The following GPATCH8 variants were observed in gnomAD, a reference collection of about 807,000 sequenced individuals.
GPATCH8 encodes G-patch domain containing 8, also known as G patch domain-containing protein 8.
GPATCH8 carries 18 observed loss-of-function variants against 118.3 expected under a neutral mutation model. The ratio of observed to expected loss-of-function variants is 0.15; its 90% confidence interval spans 0.11 to 0.23. The LOEUF (loss-of-function observed/expected upper bound fraction) is 0.23, where lower values mean the gene tolerates loss of function less well. Among genes scored for constraint, GPATCH8 ranks in the 10% least tolerant of loss-of-function variants. GPATCH8 has a pLI of 1.00. For missense variants in GPATCH8, 1,631 were observed against 1,873.8 expected, an observed-to-expected ratio of 0.87 and a Z score of 2.39; for synonymous variants, 659 against 684.7, an observed-to-expected ratio of 0.96 and a Z score of 0.59.
chr17:44,461,008 T>C (rs976299979), intron 3 of GPATCH8, among the ~76,000 whole-genome samples: 4 of 152,158 alleles, frequency 2.6e-5, no homozygotes, highest in African/African-American at 2.4e-5. Flanking sequence ...ATTCTTAATG[T>C]TGGAAACAGA....
chr17:44,471,039 G>T (rs889448462), intron 2 of GPATCH8, among the ~76,000 whole-genome samples: 8 of 152,130 alleles, frequency 5.3e-5, no homozygotes, highest in African/African-American at 1.9e-4. Context: ...TCGTAATAGG[G>T]ATAAAATGTT....
chr17:44,455,303 A>T (rs1011685531), intron 3 of GPATCH8, among the ~76,000 whole-genome samples: 4 of 152,094 alleles, frequency 2.6e-5, no homozygotes, highest in Non-Finnish European at 4.4e-5. Flanking sequence ...GGAGTTCGAG[A>T]CCAGCCTGAC....
At chr17:44,451,778 A>G (rs2144183290) in intron 3 of GPATCH8, among the ~76,000 whole-genome samples, 1 of 152,328 alleles carries the variant, frequency 6.6e-6, no homozygotes, top group East Asian at 1.9e-4. Context: ...ACGAGAATAT[A>G]TCACATTCAG....
intron 1 of GPATCH8, among the ~76,000 whole-genome samples, chr17:44,485,479 T>C (rs1237511822): frequency 6.6e-6 from 1 of 152,086 alleles, no homozygotes; most frequent in Non-Finnish European, 1.5e-5. Flanking sequence ...CAGGCTGGAA[T>C]GCAGTGGCAC....
chr17:44,414,133 A>G (rs2338030), intron 6 of GPATCH8, among the ~76,000 whole-genome samples: 20 of 30,438 alleles, frequency 6.6e-4, no homozygotes, highest in Non-Finnish European at 1.4e-3. Flanking sequence ...ATATGTGTAT[A>G]TATATATATG....
chr17:44,469,979 T>C (rs1967140578), intron 2 of GPATCH8, among the ~76,000 whole-genome samples: 2 of 152,228 alleles, frequency 1.3e-5, no homozygotes, highest in Admixed American at 1.3e-4. Context: ...ATCCTTAAGA[T>C]GCGCAAACTA....
chr17:44,448,534 GAAGGAA>G (rs1265551244), intron 3 of GPATCH8, among the ~76,000 whole-genome samples: 1 of 77,988 alleles, frequency 1.3e-5, no homozygotes, highest in Non-Finnish European at 2.8e-5. Flanking sequence ...GGAAGAAGAA[GAAGGAA>G]GAAGAAGAGG....
intron 1 of GPATCH8, among the ~76,000 whole-genome samples, chr17:44,482,841 G>A (rs72824760): frequency 0.42 from 61,655 of 147,534 alleles, 13,765 homozygotes; most frequent in Middle Eastern, 0.52. Flanking sequence ...TTAGAAGCTT[G>A]TAGTAGAAGT....
chr17:44,452,294 A>AG (rs1318968234), intron 3 of GPATCH8, among the ~76,000 whole-genome samples: 2 of 151,398 alleles, frequency 1.3e-5, no homozygotes, highest in African/African-American at 4.8e-5. Context: ...AAAAAAGAAA[A>AG]AAAAAAAAAG....
chr17:44,443,095 A>T (rs2144104305), intron 3 of GPATCH8, among the ~76,000 whole-genome samples: 1 of 152,280 alleles, frequency 6.6e-6, no homozygotes, highest in East Asian at 1.9e-4. Flanking sequence ...AAAAGAGGGG[A>T]AAAAAGACCA....
chr17:44,398,202 T>C lies in GPATCH8; in HGVS notation c.3875A>G (p.Glu1292Gly). 1 of 1,613,562 alleles carries C rather than the reference T, an allele frequency of 6.2e-7. No homozygotes were observed. The highest frequency in any genetic ancestry group is 8.5e-7 in the Non-Finnish European group (1 of 1,179,640). ...AGCATCCTCAGCCCCATCTGTTGAC[T>C]CAATACTAGGATCCCCACTGGGAGG... ...YAPPSGDPSI[E>G]STDGAEDASL... The change falls in exon 8 of 8, where the codon GAG (glutamate) becomes GGG (glycine). Residue 1292 changes from glutamate (E) to glycine (G), a missense_variant. Physicochemically the swap from Glu to Gly is moderately conservative, Grantham distance 98 (BLOSUM62 -2). This residue lies in a region of GPATCH8 where 922 missense variants were observed against 879.7 expected (regional missense o/e 1.05). Coordinates refer to ENST00000591680, the MANE Select transcript of GPATCH8 (RefSeq NM_001002909.4).
chr17:44,443,091 G>A (rs1330922704), intron 3 of GPATCH8, among the ~76,000 whole-genome samples: 1 of 151,990 alleles, frequency 6.6e-6, no homozygotes. Flanking sequence ...AGAGAAAAGA[G>A]GGGAAAAAAG....
intron 1 of GPATCH8, among the ~76,000 whole-genome samples, chr17:44,487,456 T>G (rs1038470171): frequency 6.6e-6 from 1 of 152,252 alleles, no homozygotes; most frequent in East Asian, 1.9e-4. Context: ...TAAAGAATGC[T>G]ATAAACATCC....
chr17:44,451,691 C>T (rs2051116601), intron 3 of GPATCH8, among the ~76,000 whole-genome samples: 1 of 152,164 alleles, frequency 6.6e-6, no homozygotes, highest in Non-Finnish European at 1.5e-5. Context: ...AAAGTTCTTA[C>T]CACTCAACTT....
At chr17:44,503,199 G>C (rs1970225839) in intron 1 of GPATCH8, 127 bp downstream of exon 1, 3 of 831,898 alleles carry the variant, frequency 3.6e-6, no homozygotes, top group Admixed American at 4.0e-5. Flanking sequence ...AGCAGAGACG[G>C]GAGAAGAGCG....
At chr17:44,499,385 A>C (rs1462046166) in intron 1 of GPATCH8, among the ~76,000 whole-genome samples, 1 of 152,152 alleles carries the variant, frequency 6.6e-6, no homozygotes, top group Non-Finnish European at 1.5e-5. Context: ...CAGGAGAATC[A>C]CTTGAACCCG....
intron 3 of GPATCH8, among the ~76,000 whole-genome samples, chr17:44,441,319 T>C (rs2050681224): frequency 6.6e-6 from 1 of 152,254 alleles, no homozygotes; most frequent in Non-Finnish European, 1.5e-5. Flanking sequence ...ATTAAAACAC[T>C]GGTTGAATTG....
chr17:44,503,260 G>A, intron 1 of GPATCH8, 66 bp downstream of exon 1: 2 of 1,359,840 alleles, frequency 1.5e-6, no homozygotes, highest in Non-Finnish European at 2.1e-6. Context: ...GCTGGGAGCC[G>A]GAGATGAAGG....
intron 5 of GPATCH8, among the ~76,000 whole-genome samples, chr17:44,434,756 G>A (rs1175844311): frequency 2.0e-5 from 3 of 152,210 alleles, no homozygotes; most frequent in Non-Finnish European, 4.4e-5. Flanking sequence ...ATTGTGTCTG[G>A]CCTCAAAGGA....
Sources: gnomAD v4.1 joint callset for allele counts (sites outside exome capture counted in the v4.1 genomes callset) on GRCh38, gnomAD v4.1.1 for gene constraint, gnomAD v4.1.1 regional missense constraint, MANE v1.5 for transcripts, NCBI Gene and HGNC (gene_info 2026-07-23, HGNC 2026-07-21) for gene names.